BHMT2: variants seen among roughly 807,000 people sequenced by gnomAD.
The protein encoded by BHMT2 is S-methylmethionine--homocysteine S-methyltransferase BHMT2.
Under a neutral mutation model 39.0 loss-of-function variants are expected in BHMT2, and 28 were observed. That is an observed-to-expected ratio of 0.72 (90% CI 0.53 to 0.98). The LOEUF is 0.98. BHMT2 is among the 50% of genes least tolerant of loss of function. BHMT2 has a pLI of 0.00. For missense variants in BHMT2, 410 were observed against 455.6 expected, an observed-to-expected ratio of 0.90 and a Z score of 0.91; for synonymous variants, 145 against 160.6, an observed-to-expected ratio of 0.90 and a Z score of 0.74.
chr5:79,081,768 G>A (rs1371150471), intron 4 of BHMT2, among the ~76,000 whole-genome samples: 3 of 152,160 alleles, frequency 2.0e-5, no homozygotes, highest in African/African-American at 7.2e-5. Context: ...GCTGAGGCAG[G>A]AGAATGGCTT....
intron 7 of BHMT2, among the ~76,000 whole-genome samples, chr5:79,085,836 G>A (rs772332685): frequency 1.3e-5 from 2 of 152,156 alleles, no homozygotes; most frequent in Non-Finnish European, 2.9e-5. Flanking sequence ...AGGCCAGCGC[G>A]CTGCTTCTCT....
intron 7 of BHMT2, 147 bp downstream of exon 7, chr5:79,084,003 T>A: frequency 8.0e-7 from 1 of 1,242,404 alleles, no homozygotes; most frequent in Non-Finnish European, 1.1e-6. Context: ...ACCAGCTCCA[T>A]TCCCAAAATT....
intron 1 of BHMT2, among the ~76,000 whole-genome samples, chr5:79,070,485 G>A (rs1344645293): frequency 1.3e-5 from 2 of 152,166 alleles, no homozygotes; most frequent in Non-Finnish European, 2.9e-5. Context: ...TCTACGTCGA[G>A]TATGTGTGGG....
intron 7 of BHMT2, among the ~76,000 whole-genome samples, chr5:79,085,496 C>T (rs892927036): frequency 3.3e-5 from 5 of 152,242 alleles, no homozygotes; most frequent in African/African-American, 1.2e-4. Flanking sequence ...GCCTGGCCAA[C>T]ATGGCAAAAC....
Position 79,080,690 on chromosome 5 carries a change from G to A in BHMT2, c.262G>A (p.Glu88Lys), listed in dbSNP as rs2112699794. ...ASEDNMESKW[E>K]DVNAAACDLA... ...AACTCTTGCTCTCTAACCTCAGTGG[G>A]AAGATGTAAATGCTGCTGCCTGTGA... Residue 88 changes from glutamate to lysine, a missense_variant, in exon 4 of 8, where the codon GAA (glutamate) becomes AAA (lysine). Glu to Lys is a moderately conservative substitution (Grantham distance 56). Coordinates refer to ENST00000255192, the MANE Select transcript of BHMT2 (RefSeq NM_017614.5). 1.3e-6 allele frequency: 2 copies of A among 1,583,934 alleles called. No homozygotes were observed. Among genetic ancestry groups the A allele is most frequent in the East Asian group, 2.3e-5 (1 of 43,718 alleles).
At chr5:79,079,333 A>G in intron 2 of BHMT2, 36 bp from the exon 3 acceptor site, 2 of 1,438,650 alleles carry the variant, frequency 1.4e-6, no homozygotes, top group Non-Finnish European at 1.9e-6. Context: ...TTCTTTATTC[A>G]TTTATTTCAA....
At chr5:79,077,453 C>A in intron 1 of BHMT2, 27 bp from the exon 2 acceptor site, 2 of 1,589,588 alleles carry the variant, frequency 1.3e-6, no homozygotes, top group Non-Finnish European at 1.7e-6. Context: ...TAGAGCGGAG[C>A]TTAGGTGCTT....
At chr5:79,086,465 T>C (rs1429588576) in intron 7 of BHMT2, among the ~76,000 whole-genome samples, 2 of 152,198 alleles carry the variant, frequency 1.3e-5, no homozygotes, top group South Asian at 4.1e-4. Context: ...CCATCATGCC[T>C]TGGTGTTTCC....
chr5:79,083,152 CAAAT>C, intron 5 of BHMT2, 36 bp from the exon 6 acceptor site: 3 of 1,596,534 alleles, frequency 1.9e-6, no homozygotes, highest in Non-Finnish European at 2.6e-6. Context: ...AAAGAATAAA[CAAAT>C]AAATAATAAA....
chr5:79,084,936 A>G (rs1019820816), intron 7 of BHMT2, among the ~76,000 whole-genome samples: 2 of 152,162 alleles, frequency 1.3e-5, no homozygotes, highest in African/African-American at 4.8e-5. Context: ...TAGTTCATCA[A>G]TATAAGGCAG....
chr5:79,076,343 G>T (rs1180560445), intron 1 of BHMT2, among the ~76,000 whole-genome samples: 1 of 152,114 alleles, frequency 6.6e-6, no homozygotes, highest in African/African-American at 2.4e-5. Flanking sequence ...GTTTGCTAGG[G>T]TCTTGAGGTT....
intron 2 of BHMT2, 74 bp from the exon 3 acceptor site, chr5:79,079,295 C>A: frequency 2.6e-6 from 3 of 1,159,922 alleles, no homozygotes; most frequent in Non-Finnish European, 3.8e-6. Context: ...GCTACTGCTG[C>A]TTTTGAAAAT....
intron 1 of BHMT2, among the ~76,000 whole-genome samples, chr5:79,074,259 A>G (rs1454405284): frequency 1.3e-5 from 2 of 152,214 alleles, no homozygotes; most frequent in Non-Finnish European, 2.9e-5. Context: ...GCTAAACTGA[A>G]CATGGGGAGA....
chr5:79,071,184 G>T (rs1755561066), intron 1 of BHMT2: 1 of 152,184 alleles, frequency 6.6e-6, no homozygotes, highest in Non-Finnish European at 1.5e-5. Flanking sequence ...TAATGGGAAG[G>T]AACTAATCTC....
intron 1 of BHMT2, among the ~76,000 whole-genome samples, 185 bp from the exon 2 acceptor site, chr5:79,077,295 A>T (rs1045959200): frequency 5.3e-5 from 8 of 152,234 alleles, no homozygotes; most frequent in Non-Finnish European, 1.2e-4. Context: ...ATTGTACAAA[A>T]TAGGAACCTG....
At chr5:79,074,582 G>A (rs1755637849) in intron 1 of BHMT2, among the ~76,000 whole-genome samples, 1 of 152,224 alleles carries the variant, frequency 6.6e-6, no homozygotes, top group Non-Finnish European at 1.5e-5. Context: ...TGGCCAAAAT[G>A]TGTTTGGGAT....
chr5:79,084,050 A>G (rs1318098526), intron 7 of BHMT2, among the ~76,000 whole-genome samples, 194 bp downstream of exon 7: 2 of 152,190 alleles, frequency 1.3e-5, no homozygotes, highest in Non-Finnish European at 2.9e-5. Context: ...ACAATACCAT[A>G]AACTGGGTGG....
intron 3 of BHMT2, 45 bp from the exon 4 acceptor site, chr5:79,080,642 C>T (rs1360525398): frequency 2.6e-6 from 4 of 1,516,324 alleles, no homozygotes; most frequent in Non-Finnish European, 3.5e-6. Flanking sequence ...ATTTTACCTT[C>T]AAACTGCTAG....
intron 1 of BHMT2, among the ~76,000 whole-genome samples, chr5:79,070,302 T>A (rs1755537510): frequency 6.6e-6 from 1 of 151,886 alleles, no homozygotes; most frequent in Admixed American, 6.6e-5. Flanking sequence ...GCCTTGCGAG[T>A]CGCCGGCTGG....
Sources: allele counts gnomAD v4.1 joint callset (sites outside exome capture counted in the v4.1 genomes callset), GRCh38; gene constraint gnomAD v4.1.1; transcripts MANE v1.5; gene names NCBI Gene and HGNC (gene_info 2026-07-23, HGNC 2026-07-21).